TTI1: variants seen among roughly 807,000 people sequenced by gnomAD.
TTI1 encodes TELO2 interacting protein 1.
TTI1 carries 52 observed loss-of-function variants against 85.4 expected under a neutral mutation model. That is an observed-to-expected ratio of 0.61 (90% confidence interval 0.49 to 0.77). The LOEUF is 0.77. Among genes scored for constraint, TTI1 ranks in the 30% least tolerant of loss-of-function variants. The pLI is 0.00. For missense variants in TTI1, 1,173 were observed against 1,296.0 expected, an observed-to-expected ratio of 0.91 and a Z score of 1.46; for synonymous variants, 512 against 503.9, an observed-to-expected ratio of 1.02 and a Z score of -0.22.
At chr20:37,999,732 T>A (rs1483553236) in intron 4 of TTI1, among the ~76,000 whole-genome samples, 1 of 152,202 alleles carries the variant, frequency 6.6e-6, no homozygotes, top group Non-Finnish European at 1.5e-5. Context: ...CTGTGAAGAT[T>A]CATGCAACTG....
intron 7 of TTI1, 81 bp downstream of exon 7, chr20:37,996,294 G>A: frequency 1.4e-6 from 2 of 1,423,932 alleles, no homozygotes; most frequent in East Asian, 4.6e-5. Flanking sequence ...GAGCAGAGAT[G>A]CCTCAACTCT....
In TTI1 at chr20:38,002,635, C is replaced by A; in HGVS notation, c.2645G>T (p.Arg882Leu). 2 of 1,614,132 alleles carry A rather than the reference C, an allele frequency of 1.2e-6. No homozygotes were observed. The highest frequency in any genetic ancestry group is 1.7e-6 in the Non-Finnish European group (2 of 1,180,002). ...HLLSDKNLQI[R>L]LKVLDVLDLC... ...AAGCAGCTGCGCACTGACCTTCAGG[C>A]GGATTTGCAGATTTTTATCTGACAA... Residue 882 changes from arginine to leucine, a missense_variant, in exon 4 of 8, where the codon CGC becomes CTC. Physicochemically the swap from Arg to Leu is moderately radical, Grantham distance 102 (BLOSUM62 -2). Coordinates refer to ENST00000373447, the MANE Select transcript of TTI1 (RefSeq NM_001303457.2).
chr20:37,985,277 A>C (rs972627659), intron 7 of TTI1, among the ~76,000 whole-genome samples: 2 of 152,152 alleles, frequency 1.3e-5, no homozygotes, highest in African/African-American at 4.8e-5. Flanking sequence ...TATTTGATAA[A>C]TCACATTTTA....
intron 3 of TTI1, 164 bp downstream of exon 3, chr20:38,006,028 CAGAAA>C: frequency 1.2e-6 from 1 of 814,856 alleles, no homozygotes. Flanking sequence ...AGTTTTGTAA[CAGAAA>C]AGAATGGAAA....
rs369405451 is a variant in TTI1 at position 38,013,121 on chromosome 20, G to A, written c.696C>T (p.Val232=). The stretch of plus-strand genomic sequence containing the variant: ...TGTAAAAGATCTTTAGGGAAGATAC[G>A]ACAATGCTGTGACCTTGTTTAAAGT... The part of the protein sequence containing the change: ...TGDFKQGHSI[V]VSSLKIFYKT... The change falls in exon 2 of 8, where the codon GTC becomes GTT. Residue 232 remains valine, a synonymous_variant. Coordinates refer to ENST00000373447, the MANE Select transcript of TTI1 (RefSeq NM_001303457.2). 3.5e-5 allele frequency: 57 copies of A among 1,614,090 alleles called. No individual in the cohort carries two copies. Among genetic ancestry groups the A allele is most frequent in the African/African-American group, 3.1e-4 (23 of 75,014 alleles).
chr20:37,989,527 G>T (rs142181375), intron 7 of TTI1, among the ~76,000 whole-genome samples: 1 of 152,348 alleles, frequency 6.6e-6, no homozygotes, highest in African/African-American at 2.4e-5. Context: ...CCACTGGGGC[G>T]AGATTTAAAA....
At chr20:38,019,505 T>C (rs1374701874) in intron 1 of TTI1, among the ~76,000 whole-genome samples, 1 of 152,170 alleles carries the variant, frequency 6.6e-6, no homozygotes, top group Non-Finnish European at 1.5e-5. Context: ...AGATGTTAAA[T>C]GCATGTTGAA....
At chr20:38,020,208 TAG>T (rs574692762) in intron 1 of TTI1, among the ~76,000 whole-genome samples, 106 of 149,454 alleles carry the variant, frequency 7.1e-4, no homozygotes, top group African/African-American at 2.4e-3. Flanking sequence ...ACACATAGAA[TAG>T]AGAGTCCAGC....
At chr20:37,991,218 T>C (rs1184703646) in intron 7 of TTI1, among the ~76,000 whole-genome samples, 2 of 152,222 alleles carry the variant, frequency 1.3e-5, no homozygotes, top group East Asian at 3.8e-4. Context: ...GAAAAAATAT[T>C]AGGTGTGTCC....
chr20:38,026,487 T>C (rs2073838002), intron 1 of TTI1, among the ~76,000 whole-genome samples: 1 of 152,058 alleles, frequency 6.6e-6, no homozygotes. Flanking sequence ...GACAATCTCA[T>C]CAGAAACCAT....
chr20:37,987,941 G>C (rs2073214042), intron 7 of TTI1, among the ~76,000 whole-genome samples: 1 of 152,200 alleles, frequency 6.6e-6, no homozygotes, highest in Non-Finnish European at 1.5e-5. Flanking sequence ...CTGGGGGCGA[G>C]GAGGTGGGAA....
At chr20:38,029,568 A>AAGAGAGAGAG (rs60021792) in intron 1 of TTI1, among the ~76,000 whole-genome samples, 3 of 149,130 alleles carry the variant, frequency 2.0e-5, no homozygotes, top group African/African-American at 7.4e-5. Context: ...GTGAGTGAGC[A>AAGAGAGAGAG]AGAGAGAGAG....
At chr20:38,002,470 T>C (rs953165164) in intron 4 of TTI1, among the ~76,000 whole-genome samples, 158 bp downstream of exon 4, 1 of 152,186 alleles carries the variant, frequency 6.6e-6, no homozygotes, top group African/African-American at 2.4e-5. Context: ...TGTAAAACTG[T>C]CACCCCACAG....
chr20:38,003,752 CAA>C (rs61171915), intron 3 of TTI1, among the ~76,000 whole-genome samples: 103 of 118,736 alleles, frequency 8.7e-4, no homozygotes, highest in Non-Finnish European at 9.1e-4. Flanking sequence ...AACTCTGTCT[CAA>C]AAAAAAAAAA....
chr20:37,994,895 T>C (rs1471651859), intron 7 of TTI1, among the ~76,000 whole-genome samples: 6 of 152,076 alleles, frequency 3.9e-5, no homozygotes, highest in African/African-American at 1.4e-4. Context: ...AGATAATGAA[T>C]TGAGAATATT....
intron 1 of TTI1, among the ~76,000 whole-genome samples, chr20:38,020,323 A>AAAAAAAAAAAAAATATATATATATAT: frequency 2.0e-5 from 1 of 50,382 alleles, no homozygotes; most frequent in African/African-American, 8.9e-5. Flanking sequence ...AAAAAAAAAA[A>AAAAAAAAAAAAAATATATATATATAT]ATATATATAT....
At chr20:38,009,859 T>C (rs965755587) in intron 2 of TTI1, among the ~76,000 whole-genome samples, 1 of 152,154 alleles carries the variant, frequency 6.6e-6, no homozygotes, top group African/African-American at 2.4e-5. Flanking sequence ...GCCTTTCTCA[T>C]CCTTCAGGTT....
intron 7 of TTI1, among the ~76,000 whole-genome samples, chr20:37,991,068 AG>A (rs1418319445): frequency 1.3e-5 from 2 of 152,240 alleles, no homozygotes; most frequent in African/African-American, 4.8e-5. Context: ...ATATATGCAC[AG>A]TGAACAGCTC....
intron 1 of TTI1, among the ~76,000 whole-genome samples, chr20:38,032,971 A>G (rs2073937420): frequency 6.6e-6 from 1 of 152,194 alleles, no homozygotes; most frequent in Non-Finnish European, 1.5e-5. Flanking sequence ...CGCAGACGGC[A>G]AAAGCAGCAC....
Sources: allele counts gnomAD v4.1 joint callset (sites outside exome capture counted in the v4.1 genomes callset), GRCh38; gene constraint gnomAD v4.1.1; transcripts MANE v1.5; gene names NCBI Gene and HGNC (gene_info 2026-07-23, HGNC 2026-07-21).